The following PTGES2 variants were observed in gnomAD, a reference collection of about 807,000 sequenced individuals.
PTGES2 encodes prostaglandin E synthase 2.
In PTGES2, 35 loss-of-function variants were observed where a neutral mutation model predicts 44.5. The observed-to-expected ratio is 0.79, with a 90% CI of 0.60 to 1.04. PTGES2 has a LOEUF of 1.04. Ranked by LOEUF, PTGES2 falls within the 50% of genes least tolerant of loss-of-function variation. PTGES2 has a pLI of 0.00. For missense variants in PTGES2, 517 were observed against 521.4 expected, an observed-to-expected ratio of 0.99 and a Z score of 0.08; for synonymous variants, 221 against 227.5, an observed-to-expected ratio of 0.97 and a Z score of 0.26.
rs1834476572 is a variant in PTGES2, at chr9:128,122,998, C to T, written c.823G>A (p.Gly275Ser). The change falls in exon 5 of 7, where the codon GGT (glycine) becomes AGT (serine). Residue 275 changes from glycine to serine, a missense_variant. Gly to Ser is a moderately conservative substitution (Grantham distance 56). Transcript: ENST00000338961. Reference protein sequence around the residue: ...VREGKFGAVEGAVAKYMGAAA... With the variant: ...VREGKFGAVESAVAKYMGAAA... ...GCACCCATGTACTTGGCCACGGCAC[C>T]CTCCACGGCTCCGAACTTGCCCTCG... The T allele has an allele frequency of 6.2e-7, 1 of 1,613,922 alleles. No homozygotes were observed. Among genetic ancestry groups the T allele is most frequent in the African/African-American group, 1.3e-5 (1 of 74,910 alleles).
chr9:128,121,078 C>T lies in PTGES2; in HGVS notation c.*67G>A. ...CCCAACCAGTATCGCCAGGCGCTGG[C>T]CCAGTGGCCCCAGGCCCTGGCAGCT... On this transcript the variant is annotated 3_prime_UTR_variant, in exon 7 of 7. Transcript: ENST00000338961. 1.3e-6 allele frequency: 2 copies of T among 1,541,092 alleles called. No homozygotes were observed. The highest frequency in any genetic ancestry group is 2.4e-5 in the East Asian group (1 of 40,930).
intron 1 of PTGES2, among the ~76,000 whole-genome samples, chr9:128,126,162 T>C (rs2130856153): frequency 6.6e-6 from 1 of 152,334 alleles, no homozygotes; most frequent in Non-Finnish European, 1.5e-5. Flanking sequence ...CCCCCTGTGT[T>C]CAGAGGGGAA....
At chr9:128,128,159 G>T (rs549676799), upstream of PTGES2, 132 of 210,968 alleles carry the variant, frequency 6.3e-4, no homozygotes, top group African/African-American at 6.8e-3. Context: ...GAAACGACCC[G>T]ACCCGGCACC....
intron 5 of PTGES2, 73 bp downstream of exon 5, chr9:128,122,861 G>GCTCCC: frequency 6.6e-7 from 1 of 1,515,602 alleles, no homozygotes. Context: ...CCTGAGGGGT[G>GCTCCC]TGATGGGATC....
At chr9:128,121,940 A>AC (rs1252272808) in intron 6 of PTGES2, among the ~76,000 whole-genome samples, 3 of 151,866 alleles carry the variant, frequency 2.0e-5, no homozygotes, top group African/African-American at 7.3e-5. Flanking sequence ...AACAACAACA[A>AC]AAAAAAACAA....
At position 128,124,055 on chromosome 9, in the gene PTGES2, G is replaced by A. The variant is rs560514007; in HGVS notation, c.537-204C>T. Among the ~76,000 whole-genome samples the A allele has an allele frequency of 1.9e-4, 29 of 152,198 alleles. 1 individual carries two copies. The South Asian group carries it at 4.1e-3, about 22-fold the overall frequency. ...GGAGGACAAAGTAGGGGGCTTGGAG[G>A]AGGACGGCCACGGGCTACTCTGGAA... On this transcript the variant is annotated intron_variant, in intron 3 of 6. Coordinates refer to ENST00000338961, the MANE Select transcript of PTGES2 (RefSeq NM_025072.7).
chr9:128,128,025 A>C, upstream of PTGES2: 3 of 388,870 alleles, frequency 7.7e-6, no homozygotes, highest in East Asian at 5.3e-5. Flanking sequence ...TGACCGCCTA[A>C]AGGGCGGCGT....
Position 128,123,263 on chromosome 9 carries a change from T to C in PTGES2, c.687-129A>G, listed in dbSNP as rs1177392154. 17 of 780,730 alleles carry C rather than the reference T, an allele frequency of 2.2e-5. 1 individual carries two copies. The highest frequency in any genetic ancestry group is 2.8e-5 in the Non-Finnish European group (14 of 502,096). The allele number at this position is 780,730 out of a possible 1,614,324, so 48.4% of individuals were successfully genotyped here. On this transcript the variant is annotated intron_variant, in intron 4 of 6. Transcript: ENST00000338961. This position sits in a 1 kb window ranked among gnomAD's most constrained non-coding sequence, Gnocchi z 4.4. ...GAGCAGGAAGGTCTTTTTTTTTTTT[T>C]TGAGACAAAGTCTCGCTCTGTCACC...
Position 128,122,392 on chromosome 9 carries a change from C to G in PTGES2, c.975G>C (p.Met325Ile). 1.2e-6 allele frequency: 2 copies of G among 1,614,216 alleles called. No individual in the cohort carries two copies. The highest frequency in any genetic ancestry group is 1.7e-6 in the Non-Finnish European group (2 of 1,180,024). Residue 325 changes from methionine (M) to isoleucine (I), a missense_variant, in exon 6 of 7, where the codon ATG (methionine) becomes ATC (isoleucine). Physicochemically the swap from Met to Ile is conservative, Grantham distance 10. Transcript: ENST00000338961. ...VAAVGKDRPF[M>I]GGQKPNLADL... Reference sequence around the variant, plus strand: ...CAGCGAGATTCGGCTTCTGGCCCCCCATGAAGGGCCGGTCCTTGCCCACAG... The same window carrying G: ...CAGCGAGATTCGGCTTCTGGCCCCCGATGAAGGGCCGGTCCTTGCCCACAG...
Position 128,120,871 on chromosome 9 carries a change from C to T in PTGES2, c.*274G>A. On this transcript the variant is annotated 3_prime_UTR_variant, in exon 7 of 7. Coordinates refer to ENST00000338961, the MANE Select transcript of PTGES2 (RefSeq NM_025072.7). ...CCACCCACAGGATGTAGCCATGGGA[C>T]AGCCACTGAGGGTCCAGGAAGAGGG... is the stretch of plus-strand genomic sequence containing the variant. 2.1e-6 allele frequency: 1 copy of T among 479,996 alleles called. No individual in the cohort carries two copies. 29.7% of individuals were successfully genotyped at this position (479,996 alleles called of 1,614,324 possible).
At position 128,125,418 on chromosome 9, in the gene PTGES2, C is replaced by T. The variant is rs200611671; in HGVS notation, c.303G>A (p.Gln101=). Reference sequence around the variant, plus strand: ...ACGTCTTGTACTGGTACAGGGTCAGCTGCAGGCGGCTGGACAGGGAGAGCT... The same window carrying T: ...ACGTCTTGTACTGGTACAGGGTCAGTTGCAGGCGGCTGGACAGGGAGAGCT... ...AAQLSLSSRL[Q]LTLYQYKTCP... is the part of the protein sequence containing the mutation. The change falls in exon 2 of 7, where the codon CAG becomes CAA. Residue 101 remains glutamine, a synonymous_variant. Coordinates refer to ENST00000338961, the MANE Select transcript of PTGES2 (RefSeq NM_025072.7). The T allele has an allele frequency of 6.2e-6, 10 of 1,614,074 alleles. No homozygotes were observed. Among genetic ancestry groups the T allele is most frequent in the Non-Finnish European group, 8.5e-6 (10 of 1,179,990 alleles).
In PTGES2 at chr9:128,125,425, C is replaced by T. The variant is rs199848207; in HGVS notation, c.296G>A (p.Arg99His). ...GTACTGGTACAGGGTCAGCTGCAGGCGGCTGGACAGGGAGAGCTGCGGGCA... is the reference window on the plus strand; with the variant it reads ...GTACTGGTACAGGGTCAGCTGCAGGTGGCTGGACAGGGAGAGCTGCGGGCA... Reference protein sequence around the residue: ...RSAAQLSLSSRLQLTLYQYKT... With the variant: ...RSAAQLSLSSHLQLTLYQYKT... Residue 99 changes from arginine to histidine, a missense_variant, in exon 2 of 7, where the codon CGC (arginine) becomes CAC (histidine). Transcript: ENST00000338961. 66 of 1,613,972 alleles carry T rather than the reference C, an allele frequency of 4.1e-5. No homozygotes were observed. In the African/African-American group the frequency reaches 4.7e-4, roughly 11 times the overall value.
At chr9:128,128,018 C>T (rs1588076246), upstream of PTGES2, 4 of 405,970 alleles carry the variant, frequency 9.9e-6, no homozygotes, top group Middle Eastern at 7.1e-4. Context: ...CCCACCTTGA[C>T]CGCCTAAAGG....
intron 1 of PTGES2, among the ~76,000 whole-genome samples, chr9:128,126,011 A>G (rs1834604572): frequency 6.6e-6 from 1 of 152,138 alleles, no homozygotes; most frequent in African/African-American, 2.4e-5. Flanking sequence ...GGTTCATGTG[A>G]TCCTCCAGCC....
Position 128,120,903 on chromosome 9 carries a change from G to A in PTGES2, c.*242C>T. 1 of 536,472 alleles carries A rather than the reference G, an allele frequency of 1.9e-6. No homozygotes were observed. The allele number at this position is 536,472 out of a possible 1,614,324, so 33.2% of individuals were successfully genotyped here. On this transcript the variant is annotated 3_prime_UTR_variant, in exon 7 of 7. Coordinates refer to ENST00000338961, the MANE Select transcript of PTGES2 (RefSeq NM_025072.7). ...TGAGGGTCCAGGAAGAGGGGCGGCA[G>A]AGCAGGGAGGCAGGGACAGGGAGGG... is the stretch of plus-strand genomic sequence containing the variant.
chr9:128,123,603 A>T lies in PTGES2; in HGVS notation c.686+99T>A. 7.6e-7 allele frequency: 1 copy of T among 1,308,110 alleles called. No individual in the cohort carries two copies. Among genetic ancestry groups the T allele is most frequent in the Non-Finnish European group, 1.1e-6 (1 of 943,218 alleles). The allele number at this position is 1,308,110 out of a possible 1,614,324, so 81.0% of individuals were successfully genotyped here. A position where few individuals can be genotyped will look rare whatever the true frequency, so the allele number is the denominator to read the frequency against. ...CCGGCCCCAGCCCCGCTGGTCTCCC[A>T]TGCTGCTCCCTGCTCACGCCATCTT... is the stretch of plus-strand genomic sequence containing the variant. On this transcript the variant is annotated intron_variant, in intron 4 of 6. Coordinates refer to ENST00000338961, the MANE Select transcript of PTGES2 (RefSeq NM_025072.7). The surrounding 1 kb of genome is among the most constrained non-coding windows in gnomAD (Gnocchi z 4.4).
At chr9:128,121,679 A>C (rs531512191) in intron 6 of PTGES2, among the ~76,000 whole-genome samples, 4 of 152,130 alleles carry the variant, frequency 2.6e-5, no homozygotes, top group Admixed American at 6.5e-5. Flanking sequence ...TTGGGAGGCC[A>C]AAGTGGATGG....
intron 1 of PTGES2, among the ~76,000 whole-genome samples, chr9:128,126,455 C>T (rs911101254): frequency 6.6e-6 from 1 of 152,162 alleles, no homozygotes; most frequent in Non-Finnish European, 1.5e-5. Flanking sequence ...TAAATAAATA[C>T]ACAGCCTTAG....
At chr9:128,126,575 G>A (rs2130856909) in intron 1 of PTGES2, among the ~76,000 whole-genome samples, 1 of 152,264 alleles carries the variant, frequency 6.6e-6, no homozygotes, top group Middle Eastern at 3.4e-3. Flanking sequence ...AAACACGGTA[G>A]AGGCTGGGCT....
Sources: gnomAD v4.1 joint callset for allele counts (sites outside exome capture counted in the v4.1 genomes callset) on GRCh38, gnomAD v4.1.1 for gene constraint, Gnocchi (gnomAD v3.1) non-coding constraint, MANE v1.5 for transcripts, NCBI Gene and HGNC (gene_info 2026-07-23, HGNC 2026-07-21) for gene names.